Variants in FHIT observed in about 807,000 individuals in gnomAD.
The protein encoded by FHIT is bis(5'-adenosyl)-triphosphatase.
FHIT carries 19 observed loss-of-function variants against 17.9 expected under a neutral mutation model. The observed-to-expected ratio is 1.06, with a 90% CI of 0.74 to 1.56. The LOEUF (loss-of-function observed/expected upper bound fraction) is 1.56, where lower values mean the gene tolerates loss of function less well. Among genes scored for constraint, FHIT ranks in the 40% most tolerant of loss-of-function variants. The pLI is 0.00. For synonymous variants in FHIT, 81 were observed against 69.7 expected (o/e 1.16, Z -0.81); for missense variants, 248 against 189.2 (o/e 1.31, Z -1.82).
chr3:59,874,256 A>C (rs1421492912), intron 8 of FHIT, among the ~76,000 whole-genome samples: 7 of 152,218 alleles, frequency 4.6e-5, no homozygotes, highest in Non-Finnish European at 8.8e-5. Flanking sequence ...TGGCCAAAAA[A>C]CAATTTCGTG....
intron 3 of FHIT, among the ~76,000 whole-genome samples, chr3:61,038,247 C>T (rs1195929275): frequency 6.6e-6 from 1 of 152,070 alleles, no homozygotes; most frequent in Non-Finnish European, 1.5e-5. Flanking sequence ...GTAAAGACAC[C>T]CTCTGCAAAG....
intron 3 of FHIT, among the ~76,000 whole-genome samples, chr3:61,036,539 A>T (rs1178675492): frequency 6.6e-6 from 1 of 152,194 alleles, no homozygotes; most frequent in Admixed American, 6.5e-5. Flanking sequence ...TTACTAGACT[A>T]GGCTGGTATT....
chr3:60,845,203 A>T (rs1344950894), intron 3 of FHIT, among the ~76,000 whole-genome samples: 3 of 152,060 alleles, frequency 2.0e-5, no homozygotes, highest in African/African-American at 7.2e-5. Flanking sequence ...TTTCCCCACA[A>T]ATTAATTTTT....
intron 3 of FHIT, among the ~76,000 whole-genome samples, chr3:60,934,310 T>G (rs1708092556): frequency 6.6e-6 from 1 of 152,076 alleles, no homozygotes; most frequent in Non-Finnish European, 1.5e-5. Flanking sequence ...AAAAAATAAC[T>G]GGATCCCATG....
At chr3:60,882,436 A>T (rs1314300991) in intron 3 of FHIT, among the ~76,000 whole-genome samples, 1 of 152,152 alleles carries the variant, frequency 6.6e-6, no homozygotes, top group Middle Eastern at 3.2e-3. Flanking sequence ...AAAGGCCAAA[A>T]TCCCTGATGA....
chr3:60,184,674 A>G (rs1559708168), intron 5 of FHIT, among the ~76,000 whole-genome samples: 1 of 152,146 alleles, frequency 6.6e-6, no homozygotes, highest in Non-Finnish European at 1.5e-5. Context: ...TAAGCTGTAC[A>G]CTTTGGACAA....
intron 3 of FHIT, among the ~76,000 whole-genome samples, chr3:60,855,901 A>C (rs967671896): frequency 2.6e-5 from 4 of 152,162 alleles, no homozygotes; most frequent in African/African-American, 9.7e-5. Flanking sequence ...ACGTAACAAC[A>C]AGCAAGAAAA....
intron 5 of FHIT, among the ~76,000 whole-genome samples, chr3:60,022,277 G>A (rs1424747521): frequency 6.6e-6 from 1 of 152,208 alleles, no homozygotes; most frequent in Non-Finnish European, 1.5e-5. Context: ...CTGAGAAGTT[G>A]AGCATTAAAA....
intron 2 of FHIT, among the ~76,000 whole-genome samples, chr3:61,118,346 C>T (rs1445961708): frequency 6.6e-6 from 1 of 152,074 alleles, no homozygotes; most frequent in Non-Finnish European, 1.5e-5. Flanking sequence ...GGACACTACC[C>T]GCAGTCTGAG....
At chr3:60,387,219 G>C (rs961645934) in intron 5 of FHIT, among the ~76,000 whole-genome samples, 1 of 151,914 alleles carries the variant, frequency 6.6e-6, no homozygotes, top group Non-Finnish European at 1.5e-5. Flanking sequence ...TGGAACTCCC[G>C]ACCTCAAGTG....
chr3:59,785,460 T>A (rs976581089), intron 8 of FHIT, among the ~76,000 whole-genome samples: 3 of 151,876 alleles, frequency 2.0e-5, no homozygotes, highest in Non-Finnish European at 4.4e-5. Context: ...CAGGCGTGCA[T>A]CATCATACCC....
chr3:60,864,404 C>T (rs1057128735), intron 3 of FHIT, among the ~76,000 whole-genome samples: 1 of 152,062 alleles, frequency 6.6e-6, no homozygotes, highest in Non-Finnish European at 1.5e-5. Flanking sequence ...ACTTTAGAGC[C>T]CATGGTTTTA....
intron 4 of FHIT, among the ~76,000 whole-genome samples, chr3:60,544,822 C>G (rs1461069247): frequency 6.6e-6 from 1 of 152,120 alleles, no homozygotes; most frequent in African/African-American, 2.4e-5. Flanking sequence ...GTCTCGAACT[C>G]CTAACCTCAA....
chr3:60,660,276 G>A (rs557410746), intron 4 of FHIT, among the ~76,000 whole-genome samples: 1 of 152,280 alleles, frequency 6.6e-6, no homozygotes, highest in South Asian at 2.1e-4. Flanking sequence ...TTTGTAATCA[G>A]AAGCAACAAT....
chr3:60,457,616 A>G (rs867575885), intron 5 of FHIT, among the ~76,000 whole-genome samples: 3 of 152,150 alleles, frequency 2.0e-5, no homozygotes, highest in Admixed American at 6.6e-5. Context: ...CTGCACAGCA[A>G]AAGAATCTAC....
chr3:60,552,168 A>G (rs1288247109), intron 4 of FHIT, among the ~76,000 whole-genome samples: 2 of 152,100 alleles, frequency 1.3e-5, no homozygotes, highest in African/African-American at 4.8e-5. Context: ...TTCATCCTTT[A>G]TTCCTTTTAA....
chr3:61,158,422 T>A (rs1433478167), intron 2 of FHIT, among the ~76,000 whole-genome samples: 3 of 152,058 alleles, frequency 2.0e-5, no homozygotes, highest in African/African-American at 7.3e-5. Context: ...AGAAGCAGAA[T>A]ATAACTCTCT....
intron 2 of FHIT, among the ~76,000 whole-genome samples, chr3:61,086,761 C>G (rs7646887): frequency 0.04 from 6,092 of 152,072 alleles, 214 homozygotes; most frequent in African/African-American, 0.092. Flanking sequence ...CTATCATTAC[C>G]AGAAGCAGAA....
intron 4 of FHIT, among the ~76,000 whole-genome samples, chr3:60,759,766 G>T (rs1472068363): frequency 1.3e-5 from 2 of 152,220 alleles, no homozygotes; most frequent in Non-Finnish European, 2.9e-5. Context: ...GGCCATGGAT[G>T]ACCCAGACAA....
Sources: gnomAD v4.1 joint callset for allele counts (sites outside exome capture counted in the v4.1 genomes callset) on GRCh38, gnomAD v4.1.1 for gene constraint, MANE v1.5 for transcripts, NCBI Gene and HGNC (gene_info 2026-07-23, HGNC 2026-07-21) for gene names.